Variants in KCNJ3 observed in about 807,000 individuals in gnomAD.
KCNJ3 encodes potassium inwardly rectifying channel subfamily J member 3.
Under a neutral mutation model 39.2 loss-of-function variants are expected in KCNJ3, and 4 were observed. The observed-to-expected ratio is 0.10, with a 90% confidence interval of 0.05 to 0.23. The LOEUF (loss-of-function observed/expected upper bound fraction) is 0.23, where lower values mean the gene tolerates loss of function less well. KCNJ3 is among the 10% of genes least tolerant of loss of function. The pLI is 1.00. For missense variants in KCNJ3, 276 were observed against 634.9 expected (o/e 0.43, Z 6.08); for synonymous variants, 230 against 237.4 (o/e 0.97, Z 0.29).
At chr2:154,740,388 T>G (rs530590367) in intron 2 of KCNJ3, among the ~76,000 whole-genome samples, 1 of 152,168 alleles carries the variant, frequency 6.6e-6, no homozygotes, top group East Asian at 1.9e-4. Flanking sequence ...TTTCTGTTAG[T>G]AGAATTTTAG....
At chr2:154,727,099 A>G (rs1685373155) in intron 2 of KCNJ3, among the ~76,000 whole-genome samples, 1 of 152,172 alleles carries the variant, frequency 6.6e-6, no homozygotes, top group Non-Finnish European at 1.5e-5. Context: ...CCAAAATCCC[A>G]GAAATAATCA....
chr2:154,819,068 G>A (rs1297870022), intron 2 of KCNJ3, among the ~76,000 whole-genome samples: 1 of 151,664 alleles, frequency 6.6e-6, no homozygotes, highest in African/African-American at 2.4e-5. Context: ...TGAAAGCAGA[G>A]GCAGGATTGC....
At chr2:154,789,847 C>T (rs1686596290) in intron 2 of KCNJ3, among the ~76,000 whole-genome samples, 1 of 151,802 alleles carries the variant, frequency 6.6e-6, no homozygotes, top group Admixed American at 6.6e-5. Flanking sequence ...AAAAATGGTG[C>T]AATGGGGAGA....
At chr2:154,756,140 A>T (rs1187631610) in intron 2 of KCNJ3, among the ~76,000 whole-genome samples, 2 of 152,058 alleles carry the variant, frequency 1.3e-5, no homozygotes, top group Non-Finnish European at 2.9e-5. Flanking sequence ...TTGATATTTG[A>T]TCCATCCGTC....
chr2:154,722,614 G>A (rs1034840059), intron 2 of KCNJ3, among the ~76,000 whole-genome samples: 4 of 152,132 alleles, frequency 2.6e-5, no homozygotes, highest in African/African-American at 7.2e-5. Flanking sequence ...TTTAAGTCAC[G>A]TATGTGCACT....
rs572209932 is a variant in KCNJ3 at position 154,714,698 on chromosome 2, A to G, written c.919+4879A>G. ...AAATCTACATCTATTAATGGTAGCTATTTTATCCCTGCCCCCTGTTTTTTC... is the reference window on the plus strand; with the variant it reads ...AAATCTACATCTATTAATGGTAGCTGTTTTATCCCTGCCCCCTGTTTTTTC... On this transcript the variant is annotated intron_variant, in intron 2 of 2. Transcript: ENST00000295101. Among the ~76,000 whole-genome samples, 4 of 152,250 alleles carry G rather than the reference A, an allele frequency of 2.6e-5. No homozygotes were observed. In the South Asian group the frequency reaches 8.3e-4, roughly 32 times the overall value.
intron 2 of KCNJ3, among the ~76,000 whole-genome samples, chr2:154,781,707 A>T (rs948391135): frequency 6.6e-6 from 1 of 152,204 alleles, no homozygotes; most frequent in African/African-American, 2.4e-5. Context: ...TTGAAAAAAA[A>T]GTCAATATTT....
At chr2:154,723,467 AAAACAAAC>A (rs775723210) in intron 2 of KCNJ3, among the ~76,000 whole-genome samples, 1 of 152,158 alleles carries the variant, frequency 6.6e-6, no homozygotes, top group African/African-American at 2.4e-5. Context: ...TATGAGGCAA[AAAACAAAC>A]AAACAAACAA....
At chr2:154,799,754 G>A (rs1031098378) in intron 2 of KCNJ3, among the ~76,000 whole-genome samples, 10 of 152,032 alleles carry the variant, frequency 6.6e-5, no homozygotes, top group Admixed American at 6.6e-5. Context: ...CACTTCCTAG[G>A]TAATTCACCC....
chr2:154,732,490 C>T (rs549116414), intron 2 of KCNJ3, among the ~76,000 whole-genome samples: 38 of 152,126 alleles, frequency 2.5e-4, no homozygotes, highest in African/African-American at 9.2e-4. Flanking sequence ...GAAAAAGACT[C>T]AAAAGGCTTG....
chr2:154,704,495 T>C (rs1406025014), intron 1 of KCNJ3, among the ~76,000 whole-genome samples: 1 of 152,202 alleles, frequency 6.6e-6, no homozygotes, highest in Non-Finnish European at 1.5e-5. Context: ...TAAGAAATGT[T>C]CTTTTCATAA....
At chr2:154,793,225 AT>A (rs974256970) in intron 2 of KCNJ3, among the ~76,000 whole-genome samples, 1 of 151,868 alleles carries the variant, frequency 6.6e-6, no homozygotes, top group African/African-American at 2.4e-5. Flanking sequence ...TTTTTACTGT[AT>A]TTTTTCCCTC....
intron 2 of KCNJ3, among the ~76,000 whole-genome samples, chr2:154,730,275 A>G (rs931506065): frequency 6.6e-6 from 1 of 152,066 alleles, no homozygotes; most frequent in African/African-American, 2.4e-5. Context: ...TAAAAAATTG[A>G]GTAGTTTTAG....
chr2:154,729,578 T>C (rs1167203540), intron 2 of KCNJ3, among the ~76,000 whole-genome samples: 1 of 152,186 alleles, frequency 6.6e-6, no homozygotes, highest in Non-Finnish European at 1.5e-5. Flanking sequence ...TTTTTGAAAG[T>C]GTTTTTCAGT....
intron 2 of KCNJ3, among the ~76,000 whole-genome samples, chr2:154,761,256 A>C (rs1338640654): frequency 2.6e-5 from 4 of 151,684 alleles, no homozygotes; most frequent in Non-Finnish European, 5.9e-5. Flanking sequence ...TCTCCATCAA[A>C]CTGTAGTGCC....
chr2:154,735,103 T>TGTGTGTGTGTGTGTGTGTGTGTGTGTGTG (rs1439368882), intron 2 of KCNJ3, among the ~76,000 whole-genome samples: 1 of 95,236 alleles, frequency 1.1e-5, no homozygotes, highest in African/African-American at 4.7e-5. Flanking sequence ...GTGTGTGTGT[T>TGTGTGTGTGTGTGTGTGTGTGTGTGTGTG]TGAGACGGAG....
At chr2:154,763,352 G>A (rs991419650) in intron 2 of KCNJ3, among the ~76,000 whole-genome samples, 1 of 151,686 alleles carries the variant, frequency 6.6e-6, no homozygotes. Flanking sequence ...AGGTGTTTCT[G>A]CACAGGCCTA....
intron 2 of KCNJ3, among the ~76,000 whole-genome samples, chr2:154,791,908 A>G (rs1449008135): frequency 2.0e-5 from 3 of 152,122 alleles, no homozygotes; most frequent in African/African-American, 7.2e-5. Context: ...TATAAGGCCC[A>G]GAGATTGCAT....
At chr2:154,748,761 T>C (rs907951244) in intron 2 of KCNJ3, among the ~76,000 whole-genome samples, 1 of 152,124 alleles carries the variant, frequency 6.6e-6, no homozygotes, top group African/African-American at 2.4e-5. Context: ...TTCTTTTAAG[T>C]AGAGCTGTCA....
Sources: gnomAD v4.1 joint callset for allele counts (sites outside exome capture counted in the v4.1 genomes callset) on GRCh38, gnomAD v4.1.1 for gene constraint, MANE v1.5 for transcripts, NCBI Gene and HGNC (gene_info 2026-07-23, HGNC 2026-07-21) for gene names.